Variants in SRGAP1 observed in about 807,000 individuals in gnomAD.
SRGAP1 encodes the protein SLIT-ROBO Rho GTPase-activating protein 1.
In SRGAP1, 43 loss-of-function variants were observed where a neutral mutation model predicts 121.9. That is an observed-to-expected ratio of 0.35 (90% confidence interval 0.28 to 0.46). SRGAP1 has a LOEUF of 0.46. Ranked by LOEUF, SRGAP1 falls within the 20% of genes least tolerant of loss-of-function variation. The probability of loss-of-function intolerance (pLI) is 1.00; values close to 1 mark genes in which losing one functional copy is unlikely to be tolerated. For synonymous variants in SRGAP1, 447 were observed against 485.4 expected, an observed-to-expected ratio of 0.92 and a Z score of 1.04; for missense variants, 1,102 against 1,350.9, an observed-to-expected ratio of 0.82 and a Z score of 2.89.
At chr12:63,943,294 G>A (rs1210245988) in intron 1 of SRGAP1, among the ~76,000 whole-genome samples, 1 of 152,158 alleles carries the variant, frequency 6.6e-6, no homozygotes, top group East Asian at 1.9e-4. Flanking sequence ...ATCATACAAT[G>A]GAGAATAGGA....
chr12:63,953,590 A>G (rs1277116596), intron 1 of SRGAP1, among the ~76,000 whole-genome samples: 5 of 150,578 alleles, frequency 3.3e-5, no homozygotes, highest in Non-Finnish European at 5.9e-5. Flanking sequence ...TTTTTTTTTT[A>G]CAGACAAGAT....
At chr12:63,903,835 G>T (rs185989731) in intron 1 of SRGAP1, among the ~76,000 whole-genome samples, 346 of 151,842 alleles carry the variant, frequency 2.3e-3, no homozygotes, top group African/African-American at 7.8e-3. Flanking sequence ...GGGTTTCACT[G>T]TGTTGGCCAG....
rs1169254494 is a variant in SRGAP1, at chr12:64,150,835, T to G, written c.*8163T>G. The G allele has an allele frequency of 2.1e-5, 3 of 143,380 alleles. No homozygotes were observed. The highest frequency in any genetic ancestry group is 7.6e-5 in the African/African-American group (3 of 39,242). 8.9% of individuals were successfully genotyped at this position (143,380 alleles called of 1,614,324 possible). A position where few individuals can be genotyped will look rare whatever the true frequency, so the allele number is the denominator to read the frequency against. On this transcript the variant is annotated 3_prime_UTR_variant, in exon 22 of 22. Coordinates refer to ENST00000355086, the MANE Select transcript of SRGAP1 (RefSeq NM_020762.4). ...CTATAGTACTAGGTACTTGGGAGGCTGAGGCAGGAAGATTGCTTGAGCCCA... is the reference window on the plus strand; with the variant it reads ...CTATAGTACTAGGTACTTGGGAGGCGGAGGCAGGAAGATTGCTTGAGCCCA...
At chr12:63,935,003 G>A (rs1040294906) in intron 1 of SRGAP1, among the ~76,000 whole-genome samples, 4 of 152,170 alleles carry the variant, frequency 2.6e-5, no homozygotes, top group Admixed American at 2.6e-4. Context: ...TTTGGGCGTT[G>A]TCATTAGGAC....
chr12:63,979,811 G>C (rs540665725), intron 1 of SRGAP1, among the ~76,000 whole-genome samples: 10 of 152,260 alleles, frequency 6.6e-5, no homozygotes, highest in African/African-American at 1.9e-4. Flanking sequence ...CTCTAAAAAG[G>C]GGTGGGAGCC....
intron 1 of SRGAP1, among the ~76,000 whole-genome samples, chr12:63,978,962 G>A (rs553694189): frequency 7.8e-4 from 117 of 150,722 alleles, no homozygotes; most frequent in African/African-American, 2.7e-3. Context: ...ATGATATTGA[G>A]CAACTTTTCA....
chr12:64,088,418 A>G (rs2035986447), intron 11 of SRGAP1, among the ~76,000 whole-genome samples: 2 of 152,236 alleles, frequency 1.3e-5, no homozygotes, highest in Non-Finnish European at 2.9e-5. Context: ...AAAAGCAGAA[A>G]TGGAAATATA....
intron 3 of SRGAP1, among the ~76,000 whole-genome samples, chr12:63,990,563 T>G (rs924256568): frequency 2.0e-5 from 3 of 152,084 alleles, no homozygotes; most frequent in African/African-American, 7.2e-5. Flanking sequence ...AAAAATTAGA[T>G]GAATTAATCT....
At chr12:64,039,678 G>C (rs4436640) in intron 4 of SRGAP1, among the ~76,000 whole-genome samples, 34,841 of 99,960 alleles carry the variant, frequency 0.35, 4,472 homozygotes, top group Non-Finnish European at 0.42. Context: ...CTCATTTTAA[G>C]ATATAACTGG....
chr12:63,995,065 T>TG (rs758424519), intron 3 of SRGAP1, among the ~76,000 whole-genome samples: 1 of 152,210 alleles, frequency 6.6e-6, no homozygotes, highest in Non-Finnish European at 1.5e-5. Context: ...AATAGAAGTA[T>TG]GTAGTTTGGA....
At chr12:64,130,346 C>T (rs887207171) in intron 21 of SRGAP1, among the ~76,000 whole-genome samples, 1 of 152,132 alleles carries the variant, frequency 6.6e-6, no homozygotes, top group African/African-American at 2.4e-5. Flanking sequence ...TGGCACATTC[C>T]TCCCTCTGGA....
intron 1 of SRGAP1, among the ~76,000 whole-genome samples, chr12:63,903,551 T>G (rs899701226): frequency 2.0e-5 from 3 of 149,038 alleles, no homozygotes; most frequent in African/African-American, 7.5e-5. Context: ...CAGCCTGTTT[T>G]TTTGTTTGTT....
chr12:63,979,599 T>C (rs1295281965), intron 1 of SRGAP1, among the ~76,000 whole-genome samples: 1 of 152,180 alleles, frequency 6.6e-6, no homozygotes, highest in African/African-American at 2.4e-5. Context: ...TTCATTGTTA[T>C]GGCAGTGAAC....
At chr12:63,916,177 G>A (rs1384704936) in intron 1 of SRGAP1, among the ~76,000 whole-genome samples, 4 of 151,778 alleles carry the variant, frequency 2.6e-5, no homozygotes, top group Non-Finnish European at 5.9e-5. Context: ...GGACCACAAG[G>A]CATGTGCCAC....
chr12:63,997,936 A>G (rs932447674), intron 3 of SRGAP1, among the ~76,000 whole-genome samples: 1 of 152,136 alleles, frequency 6.6e-6, no homozygotes. Context: ...AATCGAATAC[A>G]TAAATAGGAA....
chr12:63,935,357 C>G (rs1027878743), intron 1 of SRGAP1, among the ~76,000 whole-genome samples: 2 of 152,006 alleles, frequency 1.3e-5, no homozygotes, highest in African/African-American at 4.8e-5. Flanking sequence ...TATTTATGCT[C>G]TATTTTTTTC....
At chr12:64,142,163 T>G in intron 21 of SRGAP1, 132 bp from the exon 22 acceptor site, 2 of 874,490 alleles carry the variant, frequency 2.3e-6, no homozygotes, top group Non-Finnish European at 3.5e-6. Context: ...GTTTACATAT[T>G]CTGCAGACTA....
chr12:64,041,383 A>T (rs1259340182), intron 4 of SRGAP1, among the ~76,000 whole-genome samples: 1 of 144,634 alleles, frequency 6.9e-6, no homozygotes, highest in Non-Finnish European at 1.5e-5. Flanking sequence ...TTATTTATTT[A>T]TTTATTTATT....
At chr12:63,871,484 G>C (rs1378392090) in intron 1 of SRGAP1, among the ~76,000 whole-genome samples, 3 of 152,072 alleles carry the variant, frequency 2.0e-5, no homozygotes, top group Admixed American at 2.0e-4. Context: ...CCCTCCGTAG[G>C]GCTTCGCTAG....
Sources: allele counts gnomAD v4.1 joint callset (sites outside exome capture counted in the v4.1 genomes callset), GRCh38; gene constraint gnomAD v4.1.1; transcripts MANE v1.5; gene names NCBI Gene and HGNC (gene_info 2026-07-23, HGNC 2026-07-21).